TGFBR3: variants seen among roughly 807,000 people sequenced by gnomAD.
TGFBR3 encodes the protein transforming growth factor beta receptor 3.
A neutral mutation model predicts 87.9 loss-of-function variants in TGFBR3; 46 were observed. The observed-to-expected ratio is 0.52, with a 90% CI of 0.41 to 0.67. The LOEUF (loss-of-function observed/expected upper bound fraction) is 0.67, where lower values mean the gene tolerates loss of function less well. Ranked by LOEUF, TGFBR3 falls within the 30% of genes least tolerant of loss-of-function variation. TGFBR3 has a pLI of 0.00. For missense variants in TGFBR3, 866 were observed against 1,041.9 expected (o/e 0.83, Z 2.32); for synonymous variants, 381 against 391.6 (o/e 0.97, Z 0.32).
Position 91,682,930 on chromosome 1 carries a change from C to T in TGFBR3, c.*809G>A, listed in dbSNP as rs773962728. The T allele has an allele frequency of 2.2e-6, 1 of 453,892 alleles. No homozygotes were observed. The highest frequency in any genetic ancestry group is 2.3e-5 in the Admixed American group (1 of 42,554). 28.1% of individuals were successfully genotyped at this position (453,892 alleles called of 1,614,324 possible). ...TCACCTCAAATTATACATTAATTTG[C>T]AGAACAAAATATTAGGAATGGGCAC... On this transcript the variant is annotated 3_prime_UTR_variant, in exon 17 of 17. Transcript: ENST00000212355.
At chr1:91,836,045 C>T (rs1293931937) in intron 2 of TGFBR3, among the ~76,000 whole-genome samples, 2 of 151,664 alleles carry the variant, frequency 1.3e-5, no homozygotes, top group Non-Finnish European at 2.9e-5. Flanking sequence ...GTCGGGAGTT[C>T]GAGACCAGCC....
chr1:91,681,836 C>A lies in TGFBR3; in HGVS notation c.*1903G>T, dbSNP rs1181769051. On this transcript the variant is annotated 3_prime_UTR_variant, in exon 17 of 17. Coordinates refer to ENST00000212355, the MANE Select transcript of TGFBR3 (RefSeq NM_003243.5). ...ACAATACATTCCACCGAAGGTTAGG[C>A]AAAGCGCAATATTTTCAAACACAGG... 3 of 453,236 alleles carry A rather than the reference C, an allele frequency of 6.6e-6. No homozygotes were observed. The highest frequency in any genetic ancestry group is 3.1e-5 in the South Asian group (2 of 64,146). The allele number at this position is 453,236 out of a possible 1,614,324, so 28.1% of individuals were successfully genotyped here.
intron 2 of TGFBR3, among the ~76,000 whole-genome samples, chr1:91,834,823 C>T (rs187779109): frequency 3.3e-5 from 5 of 152,270 alleles, no homozygotes; most frequent in East Asian, 1.9e-4. Flanking sequence ...AGATTACAGG[C>T]GCCTGCCACC....
At chr1:91,716,425 G>T in intron 11 of TGFBR3, 31 bp from the exon 12 acceptor site, 1 of 1,614,134 alleles carries the variant, frequency 6.2e-7, no homozygotes, top group Non-Finnish European at 8.5e-7. Context: ...GAAGATTAAT[G>T]ACAGTCATAT....
upstream of TGFBR3, among the ~76,000 whole-genome samples, chr1:91,888,860 G>A (rs768678183): frequency 6.6e-5 from 10 of 152,114 alleles, no homozygotes; most frequent in Non-Finnish European, 1.0e-4. Context: ...CTGAGCCAGC[G>A]TGGGTACTGA....
rs893042340 is a variant in TGFBR3 at position 91,727,519 on chromosome 1, C to T, written c.885+140G>A. 4.5e-5 allele frequency: 48 copies of T among 1,068,374 alleles called. No individual in the cohort carries two copies. The South Asian group carries it at 5.7e-4, about 13-fold the overall frequency. The allele number at this position is 1,068,374 out of a possible 1,614,324, so 66.2% of individuals were successfully genotyped here. A position where few individuals can be genotyped will look rare whatever the true frequency, so the allele number is the denominator to read the frequency against. On this transcript the variant is annotated intron_variant, in intron 7 of 16. Coordinates refer to ENST00000212355, the MANE Select transcript of TGFBR3 (RefSeq NM_003243.5). Reference sequence around the variant, plus strand: ...ACCGCACCTATTTTATAGGAGCATGCTATTTTGCAAAGTGAAAAATAATTG... The same window carrying T: ...ACCGCACCTATTTTATAGGAGCATGTTATTTTGCAAAGTGAAAAATAATTG...
intron 2 of TGFBR3, among the ~76,000 whole-genome samples, chr1:91,826,812 A>G (rs961401859): frequency 6.7e-6 from 1 of 150,164 alleles, no homozygotes; most frequent in Non-Finnish European, 1.5e-5. Flanking sequence ...GGAGGCACCT[A>G]CAGAGCAGGG....
At chr1:91,711,768 G>A (rs1246858036) in intron 13 of TGFBR3, among the ~76,000 whole-genome samples, 1 of 152,168 alleles carries the variant, frequency 6.6e-6, no homozygotes, top group Non-Finnish European at 1.5e-5. Context: ...GAACTGATAT[G>A]AAACTGAGAA....
At chr1:91,782,044 G>T (rs1674787558) in intron 3 of TGFBR3, among the ~76,000 whole-genome samples, 2 of 152,174 alleles carry the variant, frequency 1.3e-5, no homozygotes, top group African/African-American at 4.8e-5. Flanking sequence ...GGAAAAATGA[G>T]TGGAATCTTC....
intron 5 of TGFBR3, among the ~76,000 whole-genome samples, chr1:91,733,072 G>A (rs1672831275): frequency 6.6e-6 from 1 of 152,170 alleles, no homozygotes; most frequent in Admixed American, 6.5e-5. Context: ...AATGGGATTT[G>A]ACCTCTGTTA....
At chr1:91,809,507 T>A (rs1675955705) in intron 2 of TGFBR3, among the ~76,000 whole-genome samples, 1 of 152,148 alleles carries the variant, frequency 6.6e-6, no homozygotes, top group Non-Finnish European at 1.5e-5. Flanking sequence ...TCATCGCCTA[T>A]AACCACTGGT....
chr1:91,808,863 G>T (rs284153), intron 2 of TGFBR3, among the ~76,000 whole-genome samples: 100,973 of 151,944 alleles, frequency 0.66, 33,655 homozygotes, highest in East Asian at 0.78. Context: ...CATTCATTTT[G>T]GAGGGGATAA....
chr1:91,841,033 A>T (rs1226500632), intron 2 of TGFBR3, among the ~76,000 whole-genome samples: 1 of 151,476 alleles, frequency 6.6e-6, no homozygotes, highest in Non-Finnish European at 1.5e-5. Flanking sequence ...CTGGTCTTGA[A>T]CTCCGGACCT....
At chr1:91,773,240 TG>T (rs1674444577) in intron 3 of TGFBR3, among the ~76,000 whole-genome samples, 1 of 106,326 alleles carries the variant, frequency 9.4e-6, no homozygotes. Context: ...AATAAATAAA[TG>T]ATTTTTTTTT....
chr1:91,885,409 T>C (rs942924030), intron 1 of TGFBR3, among the ~76,000 whole-genome samples: 4 of 151,040 alleles, frequency 2.6e-5, no homozygotes, highest in Non-Finnish European at 4.4e-5. Flanking sequence ...CAAGGCACCC[T>C]GAGGGCGCGG....
At chr1:91,777,749 C>T (rs1041730493) in intron 3 of TGFBR3, among the ~76,000 whole-genome samples, 13 of 152,122 alleles carry the variant, frequency 8.5e-5, no homozygotes, top group East Asian at 3.9e-4. Context: ...TCTACGTCTC[C>T]GTACTTTCTG....
Position 91,719,976 on chromosome 1 carries a change from C to A in TGFBR3, c.1330G>T (p.Val444Leu). The A allele has an allele frequency of 6.2e-7, 1 of 1,614,204 alleles. No homozygotes were observed. The highest frequency in any genetic ancestry group is 8.5e-7 in the Non-Finnish European group (1 of 1,180,034). ...AGGGCAATATCCACGCTCCCTTGCA[C>A]CTCTTCTGGCTCTCTGAGACCAGGA... ...LFPGLREPEE[V>L]QGSVDIALSV... Residue 444 changes from valine to leucine, a missense_variant, in exon 9 of 17, where the codon GTG (valine) becomes TTG (leucine). Coordinates refer to ENST00000212355, the MANE Select transcript of TGFBR3 (RefSeq NM_003243.5).
chr1:91,684,380 A>G (rs544536823), intron 16 of TGFBR3, among the ~76,000 whole-genome samples: 32 of 152,330 alleles, frequency 2.1e-4, no homozygotes, highest in African/African-American at 7.7e-4. Context: ...TACAGTAGAG[A>G]GAGCCTTGTG....
At chr1:91,725,712 C>G (rs11165347) in intron 7 of TGFBR3, among the ~76,000 whole-genome samples, 43,720 of 152,118 alleles carry the variant, frequency 0.29, 6,465 homozygotes, top group Middle Eastern at 0.38. Flanking sequence ...AAACAGACTC[C>G]GTGTTCATCA....
Sources: gnomAD v4.1 joint callset for allele counts (sites outside exome capture counted in the v4.1 genomes callset) on GRCh38, gnomAD v4.1.1 for gene constraint, MANE v1.5 for transcripts, NCBI Gene and HGNC (gene_info 2026-07-23, HGNC 2026-07-21) for gene names.